ACYP2: variants seen among roughly 807,000 people sequenced by gnomAD.
The protein encoded by ACYP2 is acylphosphatase-2.
Under a neutral mutation model 11.2 loss-of-function variants are expected in ACYP2, and 12 were observed. The observed-to-expected ratio is 1.08, with a 90% CI of 0.69 to 1.74. The LOEUF is 1.74. Ranked by LOEUF, ACYP2 falls within the 40% of genes most tolerant of loss-of-function variation. The pLI is 0.00. For missense variants in ACYP2, 134 were observed against 101.9 expected (o/e 1.31, Z -1.35); for synonymous variants, 43 against 32.2 (o/e 1.33, Z -1.13).
intron 4 of ACYP2, among the ~76,000 whole-genome samples, chr2:54,109,153 G>A (rs192436120): frequency 1.3e-3 from 201 of 152,114 alleles, no homozygotes; most frequent in Non-Finnish European, 2.3e-3. Flanking sequence ...CAGCCCAAAC[G>A]CCCATCAATC....
chr2:54,122,001 C>T (rs757099774), intron 4 of ACYP2, among the ~76,000 whole-genome samples: 4 of 152,176 alleles, frequency 2.6e-5, no homozygotes, highest in Admixed American at 2.0e-4. Flanking sequence ...TGGTGTATGG[C>T]TCCAGGGAAC....
chr2:54,202,477 A>C (rs1217844402), intron 6 of ACYP2, among the ~76,000 whole-genome samples: 5 of 137,524 alleles, frequency 3.6e-5, no homozygotes, highest in Non-Finnish European at 7.6e-5. Context: ...GCTCGATCTC[A>C]CCTCGCTGCA....
intron 1 of ACYP2, among the ~76,000 whole-genome samples, chr2:53,972,165 C>T (rs892977583): frequency 6.6e-6 from 1 of 150,668 alleles, no homozygotes; most frequent in Non-Finnish European, 1.5e-5. Context: ...AAAAAGTTAG[C>T]CGGGCGTGGT....
chr2:54,152,439 T>C (rs1292973280), intron 6 of ACYP2, among the ~76,000 whole-genome samples: 1 of 152,204 alleles, frequency 6.6e-6, no homozygotes, highest in Non-Finnish European at 1.5e-5. Flanking sequence ...TCACTTGTGA[T>C]GTTGTACATT....
intron 6 of ACYP2, among the ~76,000 whole-genome samples, chr2:54,140,675 C>T (rs1050248767): frequency 3.9e-5 from 6 of 152,158 alleles, no homozygotes; most frequent in East Asian, 3.9e-4. Context: ...CCTTTCAAGT[C>T]GAATGGTAAT....
At chr2:54,235,817 A>G (rs1218162275) in intron 6 of ACYP2, among the ~76,000 whole-genome samples, 6 of 152,226 alleles carry the variant, frequency 3.9e-5, no homozygotes. Context: ...ATGAGCAATG[A>G]GAGTGAGACC....
chr2:53,989,148 A>G (rs904677773), intron 2 of ACYP2, among the ~76,000 whole-genome samples: 1 of 152,218 alleles, frequency 6.6e-6, no homozygotes, highest in Non-Finnish European at 1.5e-5. Flanking sequence ...TTACTCTAAC[A>G]TGCAGTGGAA....
intron 6 of ACYP2, among the ~76,000 whole-genome samples, chr2:54,188,873 G>A (rs905657455): frequency 1.3e-5 from 2 of 152,120 alleles, no homozygotes; most frequent in Non-Finnish European, 2.9e-5. Flanking sequence ...GTCCATACCT[G>A]ACGCTCTGCT....
At chr2:54,115,862 G>A (rs1163715837) in intron 4 of ACYP2, 106 bp downstream of exon 1, 8 of 1,344,216 alleles carry the variant, frequency 6.0e-6, no homozygotes, top group Middle Eastern at 2.0e-4. Context: ...CGTTGTGGCT[G>A]GGACTTCCGC....
Position 54,304,734 on chromosome 2 carries a change from C to G in ACYP2, c.451C>G (p.Arg151Gly), listed in dbSNP as rs767407711. 1 of 1,611,834 alleles carries G rather than the reference C, an allele frequency of 6.2e-7. No individual in the cohort carries two copies. The highest frequency in any genetic ancestry group is 1.1e-5 in the South Asian group (1 of 90,834). The stretch of plus-strand genomic sequence containing the variant: ...TGGAAGCCCTAGTTCTCGCATTGAC[C>G]GCACAAACTTTTCTAATGAAAAAAC... The change falls in exon 7 of 7, where the codon CGC becomes GGC. Residue 151 changes from arginine to glycine, a missense_variant. By Grantham distance (125) the Arg-to-Gly change is moderately radical. Transcript: ENST00000607452.
intron 6 of ACYP2, among the ~76,000 whole-genome samples, chr2:54,239,769 G>A (rs979756322): frequency 6.6e-6 from 1 of 152,100 alleles, no homozygotes; most frequent in African/African-American, 2.4e-5. Flanking sequence ...TGGTAAGGGG[G>A]ACAAACTCTA....
intron 4 of ACYP2, among the ~76,000 whole-genome samples, chr2:54,091,489 T>TTTTATTTATTTATTTA (rs58827967): frequency 2.4e-4 from 35 of 143,654 alleles, no homozygotes; most frequent in African/African-American, 3.4e-4. Context: ...ACTCTCTTGA[T>TTTTATTTATTTATTTA]TTTATTTATT....
chr2:54,206,120 T>A (rs377766648), intron 6 of ACYP2, among the ~76,000 whole-genome samples: 1 of 152,212 alleles, frequency 6.6e-6, no homozygotes, highest in Non-Finnish European at 1.5e-5. Context: ...GCTTGCTTTT[T>A]GATGGGGCAT....
intron 2 of ACYP2, among the ~76,000 whole-genome samples, chr2:54,025,824 G>A (rs1215153486): frequency 6.6e-6 from 1 of 152,186 alleles, no homozygotes; most frequent in Admixed American, 6.5e-5. Flanking sequence ...GACTAGGCAT[G>A]GTGGCTCATG....
intron 2 of ACYP2, among the ~76,000 whole-genome samples, chr2:53,987,574 G>C (rs1193861041): frequency 6.6e-6 from 1 of 152,148 alleles, no homozygotes; most frequent in East Asian, 1.9e-4. Flanking sequence ...CAGTTTTCTA[G>C]AGTGGCTGTA....
chr2:54,243,672 C>T (rs376758114), intron 6 of ACYP2, among the ~76,000 whole-genome samples: 2 of 152,028 alleles, frequency 1.3e-5, no homozygotes, highest in African/African-American at 4.8e-5. Flanking sequence ...CTGGTTCAAG[C>T]GATTCTCCTG....
chr2:54,182,917 A>G (rs1683807296), intron 6 of ACYP2, among the ~76,000 whole-genome samples: 1 of 152,204 alleles, frequency 6.6e-6, no homozygotes, highest in South Asian at 2.1e-4. Flanking sequence ...TGGAAAGGAT[A>G]AAGGATATCT....
At chr2:54,203,237 G>A (rs1684929595) in intron 6 of ACYP2, among the ~76,000 whole-genome samples, 1 of 151,750 alleles carries the variant, frequency 6.6e-6, no homozygotes, top group African/African-American at 2.4e-5. Context: ...ACTGTAAATG[G>A]AATTATTTGC....
intron 6 of ACYP2, among the ~76,000 whole-genome samples, chr2:54,152,961 C>T (rs1408995763): frequency 6.6e-6 from 1 of 152,146 alleles, no homozygotes; most frequent in Non-Finnish European, 1.5e-5. Flanking sequence ...CCATGCTCAG[C>T]TGGTTTCTTC....
Sources: gnomAD v4.1 joint callset for allele counts (sites outside exome capture counted in the v4.1 genomes callset) on GRCh38, gnomAD v4.1.1 for gene constraint, MANE v1.5 for transcripts, NCBI Gene and HGNC (gene_info 2026-07-23, HGNC 2026-07-21) for gene names.